The following CDC42SE2 variants were observed in gnomAD, a reference collection of about 807,000 sequenced individuals.
CDC42SE2 encodes CDC42 small effector 2.
Under a neutral mutation model 11.5 loss-of-function variants are expected in CDC42SE2, and 3 were observed. The ratio of observed to expected loss-of-function variants is 0.26; its 90% CI spans 0.12 to 0.67. CDC42SE2 has a LOEUF of 0.67. Among genes scored for constraint, CDC42SE2 ranks in the 30% least tolerant of loss-of-function variants. The probability of loss-of-function intolerance (pLI) is 0.80; values close to 1 mark genes in which losing one functional copy is unlikely to be tolerated. For missense variants in CDC42SE2, 82 were observed against 106.8 expected (o/e 0.77, Z 1.02); for synonymous variants, 33 against 34.8 (o/e 0.95, Z 0.18).
At chr5:131,270,645 C>A (rs1181793347) in intron 1 of CDC42SE2, among the ~76,000 whole-genome samples, 1 of 152,180 alleles carries the variant, frequency 6.6e-6, no homozygotes, top group Non-Finnish European at 1.5e-5. Flanking sequence ...TTCTCTGCTT[C>A]TAGATGAGCT....
At chr5:131,327,104 A>AT in intron 2 of CDC42SE2, among the ~76,000 whole-genome samples, 1 of 152,222 alleles carries the variant, frequency 6.6e-6, no homozygotes, top group East Asian at 1.9e-4. Context: ...ATTGGGTTTA[A>AT]TTTTCATCCC....
intron 1 of CDC42SE2, among the ~76,000 whole-genome samples, chr5:131,267,828 A>C (rs1756902256): frequency 6.6e-6 from 1 of 152,080 alleles, no homozygotes; most frequent in Non-Finnish European, 1.5e-5. Flanking sequence ...CTTTAAAATG[A>C]GTCTGGGATA....
At chr5:131,311,374 T>C (rs1419944946) in intron 1 of CDC42SE2, among the ~76,000 whole-genome samples, 24 of 152,218 alleles carry the variant, frequency 1.6e-4, no homozygotes, top group Middle Eastern at 3.4e-3. Flanking sequence ...CTGCCCTTAA[T>C]ATTTTTTCCT....
chr5:131,229,893 C>G, the CDC42SE2 span, among the ~76,000 whole-genome samples: 11 of 152,118 alleles, frequency 7.2e-5, no homozygotes, highest in African/African-American at 2.4e-4. Flanking sequence ...AAGATTACGC[C>G]ACTGCACTCC....
intron 1 of CDC42SE2, among the ~76,000 whole-genome samples, chr5:131,307,066 T>A (rs1031016229): frequency 2.0e-5 from 3 of 150,844 alleles, no homozygotes; most frequent in Non-Finnish European, 2.9e-5. Flanking sequence ...TTTTTTTTAA[T>A]TTTTTTATTA....
At chr5:131,270,588 A>G (rs886967451) in intron 1 of CDC42SE2, among the ~76,000 whole-genome samples, 6 of 152,168 alleles carry the variant, frequency 3.9e-5, no homozygotes, top group Non-Finnish European at 8.8e-5. Flanking sequence ...TTTAAGCAAA[A>G]TACAACTTTC....
Position 131,336,717 on chromosome 5 carries a change from C to T in CDC42SE2, c.-286+20573C>T, listed in dbSNP as rs139314214. On this transcript the variant is annotated intron_variant, in intron 2 of 4. Coordinates refer to ENST00000505065, the MANE Select transcript of CDC42SE2 (RefSeq NM_001375635.1). ...ACTTCTCCTCAAGCTTCATTTCATT[C>T]ATTTCATCTTCCATCACTGATACCC... 3.1e-3 allele frequency among the ~76,000 whole-genome samples: 479 copies of T among 152,256 alleles called. 2 individuals are homozygous for T. The highest frequency in any genetic ancestry group is 6.8e-3 in the Middle Eastern group (2 of 294).
At chr5:131,283,184 C>T (rs1757273726) in intron 1 of CDC42SE2, among the ~76,000 whole-genome samples, 1 of 152,042 alleles carries the variant, frequency 6.6e-6, no homozygotes, top group African/African-American at 2.4e-5. Flanking sequence ...GCCTTGGCCT[C>T]CCAAAGTGCT....
At chr5:131,235,760 A>C in the CDC42SE2 span, among the ~76,000 whole-genome samples, 2 of 151,742 alleles carry the variant, frequency 1.3e-5, no homozygotes, top group Non-Finnish European at 2.9e-5. Context: ...ACACCCGGCT[A>C]ATTTTTGTAT....
At chr5:131,258,155 G>A (rs1440454378) in intron 2 of CDC42SE2, among the ~76,000 whole-genome samples, 1 of 152,120 alleles carries the variant, frequency 6.6e-6, no homozygotes, top group Non-Finnish European at 1.5e-5. Context: ...CCTTTAAGAT[G>A]TCAGTTTCTG....
intron 2 of CDC42SE2, among the ~76,000 whole-genome samples, chr5:131,345,805 C>A (rs1449837947): frequency 6.6e-6 from 1 of 152,172 alleles, no homozygotes; most frequent in Non-Finnish European, 1.5e-5. Context: ...GATCTCTTGG[C>A]AGAAACTCTA....
intron 2 of CDC42SE2, among the ~76,000 whole-genome samples, chr5:131,345,526 G>T (rs1758818378): frequency 6.6e-6 from 1 of 152,184 alleles, no homozygotes. Flanking sequence ...CATCTGATTG[G>T]TGTACCTGAA....
intron 1 of CDC42SE2, among the ~76,000 whole-genome samples, chr5:131,266,760 A>G (rs923381530): frequency 6.6e-6 from 1 of 151,880 alleles, no homozygotes. Flanking sequence ...TAGAAAAAAT[A>G]AGGAAAGTAA....
intron 1 of CDC42SE2, among the ~76,000 whole-genome samples, chr5:131,309,566 C>T (rs1371483105): frequency 6.6e-6 from 1 of 151,152 alleles, no homozygotes; most frequent in Non-Finnish European, 1.5e-5. Flanking sequence ...GCTGTGAATC[C>T]ATCTGGTCCT....
At chr5:131,380,291 A>G (rs952868228) in intron 3 of CDC42SE2, among the ~76,000 whole-genome samples, 1 of 151,926 alleles carries the variant, frequency 6.6e-6, no homozygotes, top group Admixed American at 6.6e-5. Flanking sequence ...CCCCAAGTCC[A>G]TTTGATCATT....
At chr5:131,309,880 A>T (rs900126408) in intron 1 of CDC42SE2, among the ~76,000 whole-genome samples, 30 of 151,126 alleles carry the variant, frequency 2.0e-4, no homozygotes, top group Admixed American at 5.3e-4. Flanking sequence ...AATTTTGTTG[A>T]TCCTTTCAAA....
chr5:131,335,194 A>G (rs961312274), intron 2 of CDC42SE2, among the ~76,000 whole-genome samples: 1 of 152,184 alleles, frequency 6.6e-6, no homozygotes, highest in African/African-American at 2.4e-5. Context: ...TTCAAAGAAC[A>G]CCTTTATTTC....
At chr5:131,260,414 G>C (rs1235910986), upstream of CDC42SE2, among the ~76,000 whole-genome samples, 1 of 152,150 alleles carries the variant, frequency 6.6e-6, no homozygotes, top group Non-Finnish European at 1.5e-5. Context: ...CCTGAGGTCA[G>C]GAGTTCAAGA....
intron 2 of CDC42SE2, among the ~76,000 whole-genome samples, chr5:131,350,034 C>G (rs1348909634): frequency 6.6e-6 from 1 of 151,826 alleles, no homozygotes; most frequent in Non-Finnish European, 1.5e-5. Context: ...TGATTAATGT[C>G]AACATCATAG....
Sources: allele counts gnomAD v4.1 joint callset (sites outside exome capture counted in the v4.1 genomes callset), GRCh38; gene constraint gnomAD v4.1.1; transcripts MANE v1.5; gene names NCBI Gene and HGNC (gene_info 2026-07-23, HGNC 2026-07-21).